The following STIM1 variants were observed in gnomAD, a reference collection of about 807,000 sequenced individuals.
STIM1 encodes stromal interaction molecule 1.
In STIM1, 25 loss-of-function variants were observed where a neutral mutation model predicts 74.7. That is an observed-to-expected ratio of 0.33 (90% CI 0.24 to 0.47). The LOEUF (loss-of-function observed/expected upper bound fraction) is 0.47. Ranked by LOEUF, STIM1 falls within the 20% of genes least tolerant of loss-of-function variation. The pLI, the probability that STIM1 is intolerant of heterozygous loss-of-function variation, is 1.00. For missense variants in STIM1, 728 were observed against 920.8 expected (o/e 0.79, Z 2.71); for synonymous variants, 328 against 348.8 (o/e 0.94, Z 0.66).
chr11:4,045,244 G>A (rs1034808129), intron 3 of STIM1, among the ~76,000 whole-genome samples: 2 of 152,008 alleles, frequency 1.3e-5, no homozygotes, highest in Admixed American at 6.6e-5. Context: ...GGATGAGGTC[G>A]ACTTCCCTTG....
intron 1 of STIM1, among the ~76,000 whole-genome samples, chr11:3,941,665 T>TAGAG (rs1565122830): frequency 3.5e-5 from 2 of 56,914 alleles, no homozygotes; most frequent in African/African-American, 1.0e-4. Context: ...TATATATATA[T>TAGAG]ATATATATAG....
At chr11:4,084,602 A>T in intron 10 of STIM1, 71 bp from the exon 11 acceptor site, 1 of 1,207,848 alleles carries the variant, frequency 8.3e-7, no homozygotes, top group Non-Finnish European at 1.1e-6. Flanking sequence ...TTCCTTTATT[A>T]CATTGATGGC....
At chr11:3,963,717 C>G (rs1332761565) in intron 1 of STIM1, among the ~76,000 whole-genome samples, 2 of 152,190 alleles carry the variant, frequency 1.3e-5, no homozygotes, top group Admixed American at 1.3e-4. Context: ...TTATGGAGAT[C>G]ACAGTCTGGT....
At chr11:3,867,015 T>C (rs1170917327) in intron 1 of STIM1, 1 of 152,200 alleles carries the variant, frequency 6.6e-6, no homozygotes, top group Non-Finnish European at 1.5e-5. Context: ...TAGATATTTG[T>C]TGACCAAATG....
chr11:3,940,429 A>G (rs1027539938), intron 1 of STIM1, among the ~76,000 whole-genome samples: 2 of 152,204 alleles, frequency 1.3e-5, no homozygotes, highest in Non-Finnish European at 2.9e-5. Flanking sequence ...TAGCAGAAAG[A>G]GTGTATGCTT....
At chr11:4,018,229 C>G (rs1438065889) in intron 2 of STIM1, among the ~76,000 whole-genome samples, 1 of 150,118 alleles carries the variant, frequency 6.7e-6, no homozygotes, top group Non-Finnish European at 1.5e-5. Context: ...GCGGGTGGAT[C>G]ATGAGGTCAG....
intron 1 of STIM1, among the ~76,000 whole-genome samples, chr11:3,964,937 C>T (rs561486341): frequency 1.3e-5 from 2 of 152,238 alleles, no homozygotes; most frequent in South Asian, 4.1e-4. Context: ...GTTGCCCAGG[C>T]TAGTCTTTTA....
intron 2 of STIM1, among the ~76,000 whole-genome samples, chr11:4,001,252 C>T (rs1022192027): frequency 6.6e-6 from 1 of 151,516 alleles, no homozygotes; most frequent in Admixed American, 6.6e-5. Context: ...AAAGATACTC[C>T]TCGAGAAGAG....
At chr11:4,073,241 A>G (rs1467164733) in intron 6 of STIM1, among the ~76,000 whole-genome samples, 2 of 150,646 alleles carry the variant, frequency 1.3e-5, no homozygotes, top group African/African-American at 5.0e-5. Context: ...TCCCCTGGTA[A>G]CCTGGTGGTT....
intron 2 of STIM1, among the ~76,000 whole-genome samples, chr11:4,009,226 C>T (rs572445154): frequency 1.1e-4 from 16 of 150,716 alleles, no homozygotes; most frequent in East Asian, 7.8e-4. Flanking sequence ...ACTCAGGAGG[C>T]GGAGCTTGCA....
intron 7 of STIM1, among the ~76,000 whole-genome samples, chr11:4,081,356 G>A (rs1240351315): frequency 5.3e-5 from 8 of 152,168 alleles, no homozygotes; most frequent in South Asian, 2.1e-4. Context: ...CAGAGAAGTC[G>A]GTTATTTCTA....
intron 4 of STIM1, among the ~76,000 whole-genome samples, chr11:4,056,887 G>A (rs553251554): frequency 6.6e-6 from 1 of 152,326 alleles, no homozygotes; most frequent in South Asian, 2.1e-4. Context: ...AAGCTGGTAA[G>A]TGGCAGAGCT....
chr11:4,024,070 G>A, intron 3 of STIM1, 83 bp downstream of exon 3: 6 of 1,160,156 alleles, frequency 5.2e-6, no homozygotes, highest in Non-Finnish European at 6.4e-6. Context: ...AGAAGAACAT[G>A]TATATAAAAT....
chr11:3,992,520 T>C (rs2093626367), intron 2 of STIM1, among the ~76,000 whole-genome samples: 1 of 152,246 alleles, frequency 6.6e-6, no homozygotes. Flanking sequence ...TACAAATCCC[T>C]TATGAGATAC....
At chr11:4,056,672 G>T (rs1168714661) in intron 4 of STIM1, among the ~76,000 whole-genome samples, 2 of 152,228 alleles carry the variant, frequency 1.3e-5, no homozygotes, top group African/African-American at 4.8e-5. Flanking sequence ...GCCTAGCTGA[G>T]CTGGCTGTTC....
intron 2 of STIM1, among the ~76,000 whole-genome samples, chr11:3,999,901 G>A (rs1012176470): frequency 8.5e-5 from 13 of 152,156 alleles, no homozygotes; most frequent in East Asian, 7.7e-4. Flanking sequence ...CTTTTCCGAC[G>A]GGCTTAGGAA....
In STIM1 at chr11:4,092,392, G is replaced by A. The variant is rs2094529678; in HGVS notation, c.*594G>A. 6.1e-6 allele frequency: 1 copy of A among 164,618 alleles called. No homozygotes were observed. The highest frequency in any genetic ancestry group is 2.4e-5 in the African/African-American group (1 of 41,618). 10.2% of individuals were successfully genotyped at this position (164,618 alleles called of 1,614,324 possible). On this transcript the variant is annotated 3_prime_UTR_variant, in exon 13 of 13. Transcript: ENST00000526596. ...CTCAGGCCTCCAGGGATCCATGGGG[G>A]AGTGAAACCAATTCTCAGAGAACAA...
At chr11:3,914,646 T>C (rs10835290) in intron 1 of STIM1, among the ~76,000 whole-genome samples, 64,571 of 152,028 alleles carry the variant, frequency 0.42, 13,904 homozygotes, top group South Asian at 0.5. Flanking sequence ...TTCACCATAT[T>C]GGCCAGGATG....
intron 2 of STIM1, among the ~76,000 whole-genome samples, chr11:4,011,419 C>T (rs1166021406): frequency 1.3e-5 from 2 of 152,194 alleles, no homozygotes; most frequent in Non-Finnish European, 1.5e-5. Context: ...TTCTAACTGG[C>T]GTGAGATAGT....
Sources: allele counts gnomAD v4.1 joint callset (sites outside exome capture counted in the v4.1 genomes callset), GRCh38; gene constraint gnomAD v4.1.1; transcripts MANE v1.5; gene names NCBI Gene and HGNC (gene_info 2026-07-23, HGNC 2026-07-21).